NFILZ: variants seen among roughly 807,000 people sequenced by gnomAD.
NFILZ encodes NFIL3 like protein.
chr19:8,655,291 C>T (rs8103981), intron 3 of NFILZ, among the ~76,000 whole-genome samples: 2,767 of 152,268 alleles, frequency 0.018, 77 homozygotes, highest in African/African-American at 0.064. Flanking sequence ...TCTAGAAGGG[C>T]CTTACGGGGT....
chr19:8,640,566 T>G (rs1408803737), intron 3 of NFILZ, among the ~76,000 whole-genome samples: 3 of 151,336 alleles, frequency 2.0e-5, no homozygotes, highest in Admixed American at 2.0e-4. Context: ...TGCTCCCGGG[T>G]GGGTAAGAGC....
chr19:8,667,830 G>A (rs2043069458), intron 3 of NFILZ, among the ~76,000 whole-genome samples: 1 of 152,162 alleles, frequency 6.6e-6, no homozygotes, highest in Non-Finnish European at 1.5e-5. Flanking sequence ...ATAGGCGTGA[G>A]CCACAGTGCC....
In NFILZ at chr19:8,678,197, C is replaced by CCATCCATCCATCCA. The variant is rs1600158322; in HGVS notation, c.*562_*563insCATCCATCCATCCA. ...TCCATCCATCCATCCATCCGTCCATCTATCCATCCATCCATTCATCCATCC... is the reference window on the plus strand; with the variant it reads ...TCCATCCATCCATCCATCCGTCCATCCATCCATCCATCCATATCCATCCATCCATTCATCCATCC... On this transcript the variant is annotated 3_prime_UTR_variant, in exon 6 of 6. Coordinates refer to ENST00000691075, the MANE Select transcript of NFILZ (RefSeq NM_001378600.1). Among the ~76,000 whole-genome samples, 1 of 79,418 alleles carries CCATCCATCCATCCA rather than the reference C, an allele frequency of 1.3e-5. No homozygotes were observed. The highest frequency in any genetic ancestry group is 2.9e-5 in the Non-Finnish European group (1 of 34,928). 52.1% of individuals were successfully genotyped at this position (79,418 alleles called of 152,430 possible).
chr19:8,640,268 G>T (rs2042913280), intron 3 of NFILZ, among the ~76,000 whole-genome samples: 1 of 149,684 alleles, frequency 6.7e-6, no homozygotes, highest in Non-Finnish European at 1.5e-5. Context: ...AAGATACTGT[G>T]CTCTCCCAGT....
chr19:8,653,966 C>T (rs1013471387), intron 3 of NFILZ, among the ~76,000 whole-genome samples: 2 of 152,156 alleles, frequency 1.3e-5, no homozygotes, highest in African/African-American at 4.8e-5. Context: ...TGGTGGCTTA[C>T]ACTTGTAATC....
rs2043126537 is a variant in NFILZ at position 8,678,171 on chromosome 19, A to ATCCG, written c.*539_*540insGTCC. Among the ~76,000 whole-genome samples the ATCCG allele has an allele frequency of 3.1e-5, 1 of 32,244 alleles. No homozygotes were observed. Among genetic ancestry groups the ATCCG allele is most frequent in the Non-Finnish European group, 6.5e-5 (1 of 15,292 alleles). The allele number at this position is 32,244 out of a possible 152,430, so 21.2% of individuals were successfully genotyped here. On this transcript the variant is annotated 3_prime_UTR_variant, in exon 6 of 6. Transcript: ENST00000691075. The stretch of plus-strand genomic sequence containing the variant: ...TGTCCGTCCATCCATCCATCCATCC[A>ATCCG]TCCATCCATCCATCCATCCGTCCAT...
intron 3 of NFILZ, among the ~76,000 whole-genome samples, chr19:8,646,654 CA>C (rs2042940348): frequency 6.6e-6 from 1 of 152,180 alleles, no homozygotes; most frequent in African/African-American, 2.4e-5. Context: ...AAGCCCTGCA[CA>C]ATGCAGTTCC....
chr19:8,647,998 C>CCGT (rs1267485249), intron 3 of NFILZ, among the ~76,000 whole-genome samples: 1 of 151,324 alleles, frequency 6.6e-6, no homozygotes, highest in Non-Finnish European at 1.5e-5. Flanking sequence ...CGGTGAAACC[C>CCGT]CGTCTCTACT....
At position 8,650,942 on chromosome 19, in the gene NFILZ, C is replaced by T. The variant is rs182228324; in HGVS notation, c.-164+15196C>T. Among the ~76,000 whole-genome samples the T allele has an allele frequency of 3.5e-4, 53 of 152,228 alleles. 1 individual carries two copies. Among genetic ancestry groups the T allele is most frequent in the Admixed American group, 3.0e-3 (46 of 15,288 alleles). On this transcript the variant is annotated intron_variant, in intron 3 of 5. Transcript: ENST00000691075. ...AATTCCCATGTACAGAGGCAGTCCA[C>T]ATAAGCGGATTTAATTATCCACTTT...
At chr19:8,672,679 A>G (rs9749284) in intron 3 of NFILZ, among the ~76,000 whole-genome samples, 14,751 of 152,090 alleles carry the variant, frequency 0.097, 956 homozygotes, top group Non-Finnish European at 0.14. Context: ...TGCATTTATT[A>G]GTTCATTCAA....
chr19:8,632,278 G>GTGTGTC (rs537843301), intron 1 of NFILZ, among the ~76,000 whole-genome samples, 198 bp from the exon 2 acceptor site: 1 of 148,576 alleles, frequency 6.7e-6, no homozygotes, highest in African/African-American at 2.5e-5. Context: ...GTGTGTGTCA[G>GTGTGTC]GGGGTTATTT....
At chr19:8,653,392 C>G (rs948260302) in intron 3 of NFILZ, among the ~76,000 whole-genome samples, 6 of 152,012 alleles carry the variant, frequency 3.9e-5, no homozygotes, top group Non-Finnish European at 7.4e-5. Context: ...GCATTTATTT[C>G]ATGGTTATTG....
At chr19:8,656,280 T>G (rs2042993756) in intron 3 of NFILZ, among the ~76,000 whole-genome samples, 1 of 98,126 alleles carries the variant, frequency 1.0e-5, no homozygotes, top group Non-Finnish European at 2.3e-5. Context: ...GAAGCCCACC[T>G]TCTCCCCACA....
intron 3 of NFILZ, among the ~76,000 whole-genome samples, chr19:8,649,268 T>G (rs948750422): frequency 7.3e-6 from 1 of 137,680 alleles, no homozygotes; most frequent in Admixed American, 7.4e-5. Context: ...ACCTGGCAAT[T>G]AAGCAATTTT....
In NFILZ at chr19:8,679,432, A is replaced by T. The variant is rs1403598694; in HGVS notation, c.*1797A>T. Among the ~76,000 whole-genome samples the T allele has an allele frequency of 6.6e-6, 1 of 152,062 alleles. No homozygotes were observed. Among genetic ancestry groups the T allele is most frequent in the Non-Finnish European group, 1.5e-5 (1 of 68,030 alleles). On this transcript the variant is annotated 3_prime_UTR_variant, in exon 6 of 6. Transcript: ENST00000691075. ...GAACCAGATGCCCCTGGCCAACTGG[A>T]TCACTTGGACTCAGGAGCATCGCCC... is the stretch of plus-strand genomic sequence containing the variant.
chr19:8,634,893 AC>A (rs2042887797), intron 2 of NFILZ, among the ~76,000 whole-genome samples: 2 of 147,904 alleles, frequency 1.4e-5, no homozygotes, highest in African/African-American at 5.3e-5. Flanking sequence ...AAACAAACAA[AC>A]AAACAAACAA....
chr19:8,632,568 G>A lies in NFILZ; in HGVS notation c.-318G>A, dbSNP rs1555745672. On this transcript the variant is annotated 5_prime_UTR_variant, in exon 2 of 6. Coordinates refer to ENST00000691075, the MANE Select transcript of NFILZ (RefSeq NM_001378600.1). ...GCTACACTCCCACCAGCCCCCTGAC[G>A]GTTTACAGATGCCATGGCAACATCA... 2.0e-5 allele frequency: 3 copies of A among 152,052 alleles called. No homozygotes were observed. The highest frequency in any genetic ancestry group is 4.4e-5 in the Non-Finnish European group (3 of 68,016). The allele number at this position is 152,052 out of a possible 1,614,324, so 9.4% of individuals were successfully genotyped here. A position where few individuals can be genotyped will look rare whatever the true frequency, so the allele number is the denominator to read the frequency against.
chr19:8,663,760 G>GTATGTA (rs1267863037), intron 3 of NFILZ, among the ~76,000 whole-genome samples: 1 of 136,252 alleles, frequency 7.3e-6, no homozygotes, highest in African/African-American at 2.7e-5. Context: ...GTGTGTGTGT[G>GTATGTA]TGTGTGTGTG....
chr19:8,657,520 T>A (rs143120266), intron 3 of NFILZ, among the ~76,000 whole-genome samples: 1 of 152,072 alleles, frequency 6.6e-6, no homozygotes, highest in African/African-American at 2.4e-5. Context: ...GCTAAGGGGT[T>A]GGGAGTATTT....
Sources: allele counts gnomAD v4.1 joint callset (sites outside exome capture counted in the v4.1 genomes callset), GRCh38; gene constraint gnomAD v4.1.1; transcripts MANE v1.5; gene names NCBI Gene and HGNC (gene_info 2026-07-23, HGNC 2026-07-21).